Variants in RBPJ observed in about 807,000 individuals in gnomAD.
RBPJ encodes recombination signal binding protein for immunoglobulin kappa J region.
Under a neutral mutation model 67.8 loss-of-function variants are expected in RBPJ, and 9 were observed. The observed-to-expected ratio is 0.13, with a 90% CI of 0.08 to 0.23. The LOEUF (loss-of-function observed/expected upper bound fraction) is 0.23. RBPJ is among the 10% of genes least tolerant of loss of function. The pLI is 1.00. For missense variants in RBPJ, 305 were observed against 595.6 expected, an observed-to-expected ratio of 0.51 and a Z score of 5.08; for synonymous variants, 198 against 203.3, an observed-to-expected ratio of 0.97 and a Z score of 0.22.
At chr4:26,157,824 C>T in the RBPJ span, among the ~76,000 whole-genome samples, 1 of 152,190 alleles carries the variant, frequency 6.6e-6, no homozygotes, top group East Asian at 1.9e-4. Context: ...TTAGGTTAGC[C>T]TACTAGACAA....
At chr4:26,326,918 A>G (rs1376314347) in intron 1 of RBPJ, among the ~76,000 whole-genome samples, 1 of 152,176 alleles carries the variant, frequency 6.6e-6, no homozygotes, top group Non-Finnish European at 1.5e-5. Flanking sequence ...CCCTTGAAAT[A>G]TGTGCTTTGG....
chr4:26,399,825 C>T (rs982781162), intron 2 of RBPJ, among the ~76,000 whole-genome samples: 1 of 151,988 alleles, frequency 6.6e-6, no homozygotes, highest in Non-Finnish European at 1.5e-5. Flanking sequence ...ACTATAGGCG[C>T]GTGCCACCAT....
intron 1 of RBPJ, among the ~76,000 whole-genome samples, chr4:26,340,883 A>G (rs890566892): frequency 2.0e-5 from 3 of 151,848 alleles, no homozygotes; most frequent in African/African-American, 7.3e-5. Flanking sequence ...AAAAAAAAAA[A>G]AGAAAGAAAG....
intron 1 of RBPJ, among the ~76,000 whole-genome samples, chr4:26,247,736 A>G (rs1334757256): frequency 9.2e-5 from 14 of 152,192 alleles, no homozygotes; most frequent in Admixed American, 9.2e-4. Flanking sequence ...TAAAGAATTT[A>G]CTTTGTAATT....
At chr4:26,135,191 T>C in the RBPJ span, among the ~76,000 whole-genome samples, 1 of 152,030 alleles carries the variant, frequency 6.6e-6, no homozygotes, top group Non-Finnish European at 1.5e-5. Flanking sequence ...TTTAAGAGGG[T>C]CTACATCTCT....
intron 1 of RBPJ, among the ~76,000 whole-genome samples, chr4:26,274,217 C>T (rs1157463941): frequency 6.6e-6 from 1 of 152,226 alleles, no homozygotes; most frequent in Non-Finnish European, 1.5e-5. Context: ...ATCCCGAGCA[C>T]CCACAACAGT....
At chr4:26,116,480 T>C in the RBPJ span, among the ~76,000 whole-genome samples, 1 of 152,234 alleles carries the variant, frequency 6.6e-6, no homozygotes, top group Non-Finnish European at 1.5e-5. Context: ...AAACCTTGAC[T>C]TTCTCCATCT....
At position 26,164,650 on chromosome 4, in the gene RBPJ, G is replaced by A. The variant is rs78772527; in HGVS notation, c.-167+1036G>A. ...TGCAGTTGTGATCAATTAAATATAA[G>A]TCCATTTGAAAGTTTTACTGAAACT... On this transcript the variant is annotated intron_variant, in intron 1 of 4. Coordinates refer to the RBPJ transcript ENST00000512351. Among the ~76,000 whole-genome samples the A allele has an allele frequency of 8.9e-4, 136 of 152,298 alleles. 1 individual carries two copies. Among genetic ancestry groups the A allele is most frequent in the Admixed American group, 2.0e-3 (30 of 15,292 alleles).
the RBPJ span, among the ~76,000 whole-genome samples, chr4:26,121,713 G>T: frequency 1.3e-5 from 2 of 152,218 alleles, no homozygotes; most frequent in South Asian, 4.1e-4. Flanking sequence ...CATAGGTATT[G>T]TGATGTGTTG....
the RBPJ span, among the ~76,000 whole-genome samples, chr4:26,156,745 A>G: frequency 6.6e-6 from 1 of 151,974 alleles, no homozygotes; most frequent in East Asian, 1.9e-4. Context: ...ATGAGCCACC[A>G]TGCCCAGCAT....
At chr4:26,128,741 C>T in the RBPJ span, among the ~76,000 whole-genome samples, 1 of 152,106 alleles carries the variant, frequency 6.6e-6, no homozygotes, top group Non-Finnish European at 1.5e-5. Flanking sequence ...AATTGTAGCT[C>T]CCACAATTCC....
chr4:26,267,873 G>T (rs1720753629), intron 1 of RBPJ, among the ~76,000 whole-genome samples: 1 of 152,026 alleles, frequency 6.6e-6, no homozygotes, highest in Non-Finnish European at 1.5e-5. Flanking sequence ...CTCCCAAAGT[G>T]TTGGGATTAC....
At chr4:26,306,391 T>C (rs890343912) in intron 1 of RBPJ, among the ~76,000 whole-genome samples, 9 of 151,804 alleles carry the variant, frequency 5.9e-5, no homozygotes, top group African/African-American at 2.2e-4. Flanking sequence ...TTTGTGTCAA[T>C]ATTATAAGAG....
chr4:26,269,476 G>A (rs1050074337), intron 1 of RBPJ, among the ~76,000 whole-genome samples: 3 of 152,044 alleles, frequency 2.0e-5, no homozygotes, highest in East Asian at 1.9e-4. Flanking sequence ...GGCTGGTCTC[G>A]ATCTCCTGAC....
At chr4:26,153,170 C>T in the RBPJ span, among the ~76,000 whole-genome samples, 1,842 of 152,322 alleles carry the variant, frequency 0.012, 35 homozygotes, top group African/African-American at 0.042. Context: ...GACCCTAGCT[C>T]AGCCACCCAT....
the RBPJ span, among the ~76,000 whole-genome samples, chr4:26,150,577 C>T: frequency 6.6e-6 from 1 of 152,220 alleles, no homozygotes; most frequent in South Asian, 2.1e-4. Flanking sequence ...GCTACTCAAC[C>T]TCTCTGTGAC....
chr4:26,325,616 C>T (rs1232395664), intron 1 of RBPJ, among the ~76,000 whole-genome samples: 1 of 152,146 alleles, frequency 6.6e-6, no homozygotes, highest in East Asian at 1.9e-4. Context: ...AAGCATTTAG[C>T]AGAATTCCTG....
At chr4:26,266,661 G>A (rs1249017935) in intron 1 of RBPJ, among the ~76,000 whole-genome samples, 1 of 152,146 alleles carries the variant, frequency 6.6e-6, no homozygotes, top group Non-Finnish European at 1.5e-5. Flanking sequence ...AGAAAGGTGG[G>A]GAGTAGGGGT....
At chr4:26,321,203 TGGCCGTGCG>T (rs1353963171) in intron 1 of RBPJ, among the ~76,000 whole-genome samples, 155 bp downstream of exon 1, 1 of 145,788 alleles carries the variant, frequency 6.9e-6, no homozygotes, top group Non-Finnish European at 1.5e-5. Flanking sequence ...CGGCGGCGTG[TGGCCGTGCG>T]CTGCCGCTCT....
Sources: allele counts gnomAD v4.1 joint callset (sites outside exome capture counted in the v4.1 genomes callset), GRCh38; gene constraint gnomAD v4.1.1; transcripts MANE v1.5; gene names NCBI Gene and HGNC (gene_info 2026-07-23, HGNC 2026-07-21).